TANGO6: variants seen among roughly 807,000 people sequenced by gnomAD.
TANGO6 encodes transport and golgi organization 6 homolog.
TANGO6 carries 90 observed loss-of-function variants against 114.2 expected under a neutral mutation model. The ratio of observed to expected loss-of-function variants is 0.79; its 90% confidence interval spans 0.66 to 0.94. The LOEUF (loss-of-function observed/expected upper bound fraction) is 0.94. Ranked by LOEUF, TANGO6 falls within the 40% of genes least tolerant of loss-of-function variation. TANGO6 has a pLI of 0.00. For synonymous variants in TANGO6, 477 were observed against 509.8 expected, an observed-to-expected ratio of 0.94 and a Z score of 0.87; for missense variants, 1,274 against 1,315.3, an observed-to-expected ratio of 0.97 and a Z score of 0.49.
At chr16:69,072,122 C>CGT (rs10687062) in intron 17 of TANGO6, among the ~76,000 whole-genome samples, 15,049 of 116,476 alleles carry the variant, frequency 0.13, 1,184 homozygotes, top group East Asian at 0.17. Flanking sequence ...AGAGGGAGAC[C>CGT]GTGTGTGTGT....
Position 69,015,634 on chromosome 16 carries a change from A to G in TANGO6, c.2843-7194A>G, listed in dbSNP as rs564346074. ...GTAGCTGGGACTACAGGCGCCCGCC[A>G]CCACGCCCAGATAATTTTTTGTATT... On this transcript the variant is annotated intron_variant, in intron 15 of 17. Transcript: ENST00000261778. 4.1e-4 allele frequency among the ~76,000 whole-genome samples: 63 copies of G among 151,964 alleles called. 1 individual carries two copies. The highest frequency in any genetic ancestry group is 1.5e-3 in the African/African-American group (62 of 41,448).
At chr16:68,926,528 T>G (rs1963169566) in intron 12 of TANGO6, among the ~76,000 whole-genome samples, 1 of 150,772 alleles carries the variant, frequency 6.6e-6, no homozygotes, top group Non-Finnish European at 1.5e-5. Context: ...ATAAAAAGGA[T>G]TTTTTTTTCT....
chr16:68,942,877 TTTTA>T (rs1189400264), intron 14 of TANGO6, among the ~76,000 whole-genome samples: 2 of 151,768 alleles, frequency 1.3e-5, no homozygotes, highest in African/African-American at 2.4e-5. Flanking sequence ...ATCTGAGAAA[TTTTA>T]TTTCATTTAT....
At chr16:68,963,091 C>CAA (rs567582629) in intron 14 of TANGO6, among the ~76,000 whole-genome samples, 2,970 of 76,792 alleles carry the variant, frequency 0.039, 146 homozygotes, top group African/African-American at 0.14. Context: ...GACTCCGTCT[C>CAA]AAAAAAAAAA....
rs955910651 is a variant in TANGO6, at chr16:68,881,304, C to A, written c.1377+674C>A. Among the ~76,000 whole-genome samples the A allele has an allele frequency of 2.0e-5, 3 of 151,950 alleles. No homozygotes were observed. In the South Asian group the frequency reaches 6.2e-4, roughly 32 times the overall value. Reference sequence around the variant, plus strand: ...CGAGGAGAGTGGATCACCTGAGGCCCGGAGTTCAAGACCAGCCTGGCCAAT... The same window carrying A: ...CGAGGAGAGTGGATCACCTGAGGCCAGGAGTTCAAGACCAGCCTGGCCAAT... On this transcript the variant is annotated intron_variant, in intron 7 of 17. Transcript: ENST00000261778.
intron 7 of TANGO6, 116 bp downstream of exon 7, chr16:68,880,746 A>C: frequency 1.7e-6 from 1 of 589,454 alleles, no homozygotes; most frequent in South Asian, 3.1e-5. Context: ...TCTGGTCTTG[A>C]ACTCCTGGCC....
At chr16:68,920,292 G>A (rs531354807) in intron 12 of TANGO6, among the ~76,000 whole-genome samples, 4 of 152,342 alleles carry the variant, frequency 2.6e-5, no homozygotes, top group African/African-American at 9.6e-5. Context: ...TTTCCACTGA[G>A]GAAGTGTAAG....
rs973421560 is a variant in TANGO6, at chr16:68,943,521, G to T, written c.2701+13226G>T. Among the ~76,000 whole-genome samples the T allele has an allele frequency of 1.6e-4, 25 of 151,872 alleles. 1 individual carries two copies. The highest frequency in any genetic ancestry group is 4.4e-5 in the Non-Finnish European group (3 of 67,956). ...TGGGACTACAGGTGCCTGCCACCAC[G>T]CACTGGCTAATTTTTTGTGTTTTTT... On this transcript the variant is annotated intron_variant, in intron 14 of 17. Coordinates refer to ENST00000261778, the MANE Select transcript of TANGO6 (RefSeq NM_024562.2).
At chr16:69,020,540 T>G (rs540595368) in intron 15 of TANGO6, among the ~76,000 whole-genome samples, 1 of 152,270 alleles carries the variant, frequency 6.6e-6, no homozygotes, top group South Asian at 2.1e-4. Context: ...AGAGGCAGGT[T>G]CCACAAAGAA....
chr16:68,932,627 A>AT (rs1963257120), intron 14 of TANGO6, among the ~76,000 whole-genome samples: 1 of 152,012 alleles, frequency 6.6e-6, no homozygotes, highest in Non-Finnish European at 1.5e-5. Context: ...TCTACAAAAA[A>AT]ACACCAAAAA....
intron 17 of TANGO6, among the ~76,000 whole-genome samples, chr16:69,049,281 A>G (rs1959909695): frequency 6.6e-6 from 1 of 150,958 alleles, no homozygotes. Context: ...AGCAATCACT[A>G]ATCTACTTTC....
intron 16 of TANGO6, among the ~76,000 whole-genome samples, chr16:69,026,156 C>T (rs1475808652): frequency 1.3e-5 from 2 of 152,040 alleles, no homozygotes; most frequent in African/African-American, 4.8e-5. Context: ...CGCCCATCAC[C>T]ACACCCAGCT....
At position 68,930,324 on chromosome 16, in the gene TANGO6, A is replaced by G. The variant is rs757010436; in HGVS notation, c.2701+29A>G. 1.8e-5 allele frequency: 28 copies of G among 1,525,022 alleles called. No individual in the cohort carries two copies. In the Admixed American group the frequency reaches 5.3e-4, roughly 29 times the overall value. The allele number at this position is 1,525,022 out of a possible 1,614,324, so 94.5% of individuals were successfully genotyped here. ...AGTCAGTCCTGGTTAAAGGACTTTA[A>G]GTATGTGGACCAGAGACTGTATCAT... On this transcript the variant is annotated intron_variant, in intron 14 of 17. Coordinates refer to ENST00000261778, the MANE Select transcript of TANGO6 (RefSeq NM_024562.2).
At chr16:68,996,418 AT>A (rs1229820031) in intron 15 of TANGO6, among the ~76,000 whole-genome samples, 1 of 152,124 alleles carries the variant, frequency 6.6e-6, no homozygotes, top group Non-Finnish European at 1.5e-5. Flanking sequence ...GAAACCAGTG[AT>A]TCTTCTATTG....
chr16:68,910,743 C>CT (rs1962911448), intron 11 of TANGO6, among the ~76,000 whole-genome samples: 2 of 152,080 alleles, frequency 1.3e-5, no homozygotes, highest in African/African-American at 4.8e-5. Flanking sequence ...GTGGCGCAGT[C>CT]TCGGCTCACT....
intron 1 of TANGO6, among the ~76,000 whole-genome samples, chr16:68,855,403 G>A (rs1961971577): frequency 6.6e-6 from 1 of 151,538 alleles, no homozygotes; most frequent in Non-Finnish European, 1.5e-5. Context: ...GCAACATGGT[G>A]AAACCCCATC....
intron 14 of TANGO6, among the ~76,000 whole-genome samples, chr16:68,959,367 T>C (rs1403919263): frequency 6.6e-6 from 1 of 152,128 alleles, no homozygotes; most frequent in East Asian, 1.9e-4. Flanking sequence ...GGTGGGTGGA[T>C]CATGAGGTCA....
At chr16:69,053,829 C>A (rs926941673) in intron 17 of TANGO6, among the ~76,000 whole-genome samples, 1 of 152,044 alleles carries the variant, frequency 6.6e-6, no homozygotes, top group African/African-American at 2.4e-5. Context: ...TTTGGGAGGC[C>A]AAGGCGGGTG....
intron 7 of TANGO6, among the ~76,000 whole-genome samples, chr16:68,889,161 G>T (rs1329549243): frequency 6.6e-6 from 1 of 152,198 alleles, no homozygotes; most frequent in Non-Finnish European, 1.5e-5. Flanking sequence ...TAGGTTCACA[G>T]AAAAATTAAG....
Sources: gnomAD v4.1 joint callset for allele counts (sites outside exome capture counted in the v4.1 genomes callset) on GRCh38, gnomAD v4.1.1 for gene constraint, MANE v1.5 for transcripts, NCBI Gene and HGNC (gene_info 2026-07-23, HGNC 2026-07-21) for gene names.